The following ADAM20 variants were observed in gnomAD, a reference collection of about 807,000 sequenced individuals.
The protein encoded by ADAM20 is ADAM metallopeptidase domain 20.
For synonymous variants in ADAM20, 305 were observed against 310.2 expected (o/e 0.98, Z 0.18); for missense variants, 871 against 883.2 (o/e 0.99, Z 0.18).
chr14:70,577,183 T>C, the ADAM20 span, among the ~76,000 whole-genome samples: 1 of 152,170 alleles, frequency 6.6e-6, no homozygotes, highest in Non-Finnish European at 1.5e-5. Flanking sequence ...AAAGAGAATA[T>C]TACAGGCTAA....
the ADAM20 span, among the ~76,000 whole-genome samples, chr14:70,560,148 AAGAC>A: frequency 6.6e-6 from 1 of 152,252 alleles, no homozygotes; most frequent in Non-Finnish European, 1.5e-5. Context: ...GGAGTATTAA[AAGAC>A]ATTCATGAAT....
At chr14:70,553,309 T>TAAAAAA in the ADAM20 span, among the ~76,000 whole-genome samples, 19 of 17,230 alleles carry the variant, frequency 1.1e-3, no homozygotes, top group South Asian at 8.3e-3. Flanking sequence ...TAGAGTATAA[T>TAAAAAA]AAAAAAAAAA....
chr14:70,564,889 T>A, the ADAM20 span, among the ~76,000 whole-genome samples: 48 of 148,566 alleles, frequency 3.2e-4, no homozygotes, highest in East Asian at 8.0e-4. Flanking sequence ...TATAAAAAAA[T>A]TTTTTTTTGA....
In ADAM20 at chr14:70,524,159, A is replaced by G. The variant is rs1883527366; in HGVS notation, c.599T>C (p.Val200Ala). The G allele has an allele frequency of 1.2e-6, 2 of 1,613,732 alleles. No homozygotes were observed. The highest frequency in any genetic ancestry group is 3.3e-5 in the Admixed American group (2 of 59,936). The change falls in exon 2 of 2, where the codon GTG becomes GCG. Residue 200 changes from valine to alanine, a missense_variant. Val to Ala is a moderately conservative substitution (Grantham distance 64). Coordinates refer to ENST00000256389, the MANE Select transcript of ADAM20 (RefSeq NM_003814.5). ...YNFTLKQSSF[V>A]GWWTHQRFVE... ...AAACCGCTGATGGGTCCACCAGCCC[A>G]CAAAAGAACTTTGCTTCAGAGTGAA...
At chr14:70,559,590 CATAGTA>C in the ADAM20 span, among the ~76,000 whole-genome samples, 2 of 152,206 alleles carry the variant, frequency 1.3e-5, no homozygotes, top group Non-Finnish European at 2.9e-5. Context: ...CCATCTTATT[CATAGTA>C]AAAGTCTGTA....
chr14:70,557,099 T>A, the ADAM20 span: 1 of 152,148 alleles, frequency 6.6e-6, no homozygotes, highest in Non-Finnish European at 1.5e-5. Context: ...TCAAATAATT[T>A]GTGTGAGAGT....
At chr14:70,575,186 T>A in the ADAM20 span, among the ~76,000 whole-genome samples, 1 of 149,928 alleles carries the variant, frequency 6.7e-6, no homozygotes, top group African/African-American at 2.4e-5. Context: ...TATATATATA[T>A]AAAATATAAA....
chr14:70,561,429 G>C, the ADAM20 span, among the ~76,000 whole-genome samples: 3 of 152,336 alleles, frequency 2.0e-5, no homozygotes, highest in African/African-American at 7.2e-5. Flanking sequence ...TTTGTAGTCT[G>C]ACCATACAGT....
chr14:70,538,649 A>G (rs1274793896), upstream of ADAM20, among the ~76,000 whole-genome samples: 3 of 152,254 alleles, frequency 2.0e-5, no homozygotes, highest in Non-Finnish European at 2.9e-5. Context: ...TTGGGAAAAC[A>G]GAAAAGGCAC....
the ADAM20 span, among the ~76,000 whole-genome samples, chr14:70,579,317 TC>T: frequency 6.6e-6 from 1 of 152,158 alleles, no homozygotes; most frequent in Non-Finnish European, 1.5e-5. Context: ...GTGTAAGTGT[TC>T]CCTTTTCTCC....
In ADAM20 at chr14:70,523,407, T is replaced by C. The variant is rs1372004571; in HGVS notation, c.1351A>G (p.Ile451Val). ...AGAAATTTGCAGTCTTTGCAACATA[T>C]TCCAAAAGCACAAGCAGCCCCAGGA... The part of the protein sequence containing the change: ...LHPGAACAFG[I>V]CCKDCKFLPS... Residue 451 changes from isoleucine (I) to valine (V), a missense_variant, in exon 2 of 2, where the codon ATA (isoleucine) becomes GTA (valine). By Grantham distance (29) the Ile-to-Val change is conservative. Coordinates refer to ENST00000256389, the MANE Select transcript of ADAM20 (RefSeq NM_003814.5). 3.1e-6 allele frequency: 5 copies of C among 1,613,868 alleles called. No individual in the cohort carries two copies. In the South Asian group the frequency reaches 3.3e-5, roughly 11 times the overall value.
the ADAM20 span, among the ~76,000 whole-genome samples, chr14:70,564,341 A>T: frequency 2.6e-4 from 40 of 152,336 alleles, no homozygotes; most frequent in East Asian, 7.5e-3. Flanking sequence ...CTTAGCATTA[A>T]AAACAGTAGA....
At chr14:70,531,739 T>C (rs1217164208) in intron 1 of ADAM20, among the ~76,000 whole-genome samples, 2 of 151,960 alleles carry the variant, frequency 1.3e-5, no homozygotes, top group African/African-American at 4.8e-5. Flanking sequence ...AAGAAAACAA[T>C]TCTATTTACA....
the ADAM20 span, among the ~76,000 whole-genome samples, chr14:70,575,288 A>G: frequency 3.3e-5 from 5 of 152,002 alleles, no homozygotes; most frequent in African/African-American, 1.2e-4. Context: ...TCCACCTCTC[A>G]GGTTCAAGCG....
chr14:70,541,219 A>G, the ADAM20 span, among the ~76,000 whole-genome samples: 1 of 152,238 alleles, frequency 6.6e-6, no homozygotes, highest in Non-Finnish European at 1.5e-5. Flanking sequence ...AAATTTTATA[A>G]AAGGCAATTT....
the ADAM20 span, among the ~76,000 whole-genome samples, chr14:70,541,366 G>T: frequency 2.6e-5 from 4 of 152,180 alleles, no homozygotes; most frequent in Admixed American, 6.5e-5. Context: ...AGATTAAAAG[G>T]TTAAAGAATT....
intron 1 of ADAM20, among the ~76,000 whole-genome samples, chr14:70,531,112 C>T (rs1883701728): frequency 2.0e-5 from 3 of 151,764 alleles, no homozygotes; most frequent in Admixed American, 2.0e-4. Flanking sequence ...AAAAACAAAA[C>T]AAAAATCAGA....
rs1347502867 is a variant in ADAM20 at position 70,524,171 on chromosome 14, T to C, written c.587A>G (p.Gln196Arg). The change falls in exon 2 of 2, where the codon CAA (glutamine) becomes CGA (arginine). Residue 196 changes from glutamine to arginine, a missense_variant. By Grantham distance (43) the Gln-to-Arg change is conservative. Coordinates refer to ENST00000256389, the MANE Select transcript of ADAM20 (RefSeq NM_003814.5). ...GGTCCACCAGCCCACAAAAGAACTTTGCTTCAGAGTGAAATTATATGACAA... is the reference window on the plus strand; with the variant it reads ...GGTCCACCAGCCCACAAAAGAACTTCGCTTCAGAGTGAAATTATATGACAA... ...LQLSYNFTLKQSSFVGWWTHQ... is the reference protein window; with the variant it reads ...LQLSYNFTLKRSSFVGWWTHQ... The C allele has an allele frequency of 8.1e-6, 13 of 1,613,746 alleles. No individual in the cohort carries two copies. Among genetic ancestry groups the C allele is most frequent in the African/African-American group, 2.7e-5 (2 of 74,938 alleles).
chr14:70,534,712 T>C (rs1256118276), intron 1 of ADAM20, 85 bp downstream of exon 1: 2 of 152,208 alleles, frequency 1.3e-5, no homozygotes, highest in African/African-American at 4.8e-5. Context: ...ATTTCAGTCA[T>C]ACAAGATGAA....
Sources: gnomAD v4.1 joint callset for allele counts (sites outside exome capture counted in the v4.1 genomes callset) on GRCh38, gnomAD v4.1.1 for gene constraint, MANE v1.5 for transcripts, NCBI Gene and HGNC (gene_info 2026-07-23, HGNC 2026-07-21) for gene names.